LY75: variants seen among roughly 807,000 people sequenced by gnomAD.
LY75 encodes the protein lymphocyte antigen 75.
LY75 carries 185 observed loss-of-function variants against 231.7 expected under a neutral mutation model. That is an observed-to-expected ratio of 0.80 (90% CI 0.71 to 0.90). The LOEUF is 0.90. Among genes scored for constraint, LY75 ranks in the 40% least tolerant of loss-of-function variants. The pLI, the probability that LY75 is intolerant of heterozygous loss-of-function variation, is 0.00. For synonymous variants in LY75, 668 were observed against 689.0 expected (o/e 0.97, Z 0.48); for missense variants, 1,947 against 2,050.2 (o/e 0.95, Z 0.97).
At chr2:159,891,604 G>A (rs1232686279) in intron 3 of LY75, among the ~76,000 whole-genome samples, 1 of 152,070 alleles carries the variant, frequency 6.6e-6, no homozygotes, top group Non-Finnish European at 1.5e-5. Context: ...GGAAGCATAT[G>A]CATGCATTAA....
chr2:159,834,528 G>A (rs901928736), intron 26 of LY75, among the ~76,000 whole-genome samples: 4 of 152,152 alleles, frequency 2.6e-5, no homozygotes, highest in African/African-American at 9.7e-5. Context: ...TAGAGATGCT[G>A]TACAAACATA....
chr2:159,852,348 A>C lies in LY75; in HGVS notation c.2744-8T>G. The C allele has an allele frequency of 6.2e-7, 1 of 1,611,108 alleles. No homozygotes were observed. On this transcript the variant is annotated splice_polypyrimidine_tract_variant and splice_region_variant and intron_variant, in intron 20 of 34. Transcript: ENST00000263636. ...CTGTTGGTTTACCTAAGTCTGAGAA[A>C]TGAAAAGCCAGGATTACTATGGTGA...
At chr2:159,869,424 T>C (rs1333404220) in intron 13 of LY75, among the ~76,000 whole-genome samples, 2 of 152,096 alleles carry the variant, frequency 1.3e-5, no homozygotes, top group African/African-American at 2.4e-5. Context: ...ACTGGGTTAA[T>C]GTCAGTGAAA....
In LY75 at chr2:159,866,352, CA is replaced by C. The variant is rs1684858067; in HGVS notation, c.2118-1433del. On this transcript the variant is annotated intron_variant, in intron 13 of 34. Coordinates refer to ENST00000263636, the MANE Select transcript of LY75 (RefSeq NM_002349.4). The stretch of plus-strand genomic sequence containing the variant: ...TGTTCAACATTCCCTCATATTTTAA[CA>C]ACAATAAGTACTTTTTCATCTTTTC... 2.6e-5 allele frequency among the ~76,000 whole-genome samples: 4 copies of C among 152,236 alleles called. No homozygotes were observed. The South Asian group carries it at 8.3e-4, about 32-fold the overall frequency.
chr2:159,807,189 A>G (rs750587088), intron 33 of LY75, 49 bp from the exon 34 acceptor site: 1 of 1,568,566 alleles, frequency 6.4e-7, no homozygotes, highest in Non-Finnish European at 8.6e-7. Context: ...CTAAACTAGT[A>G]AGTTACAAGC....
chr2:159,904,565 C>T (rs1429023806), intron 1 of LY75, 24 bp downstream of exon 1: 1 of 1,503,330 alleles, frequency 6.7e-7, no homozygotes. Context: ...CAGCGGACTG[C>T]GGGGCTGGCG....
intron 11 of LY75, 71 bp from the exon 12 acceptor site, chr2:159,875,714 T>A (rs759564869): frequency 1.3e-6 from 2 of 1,564,546 alleles, no homozygotes; most frequent in East Asian, 4.5e-5. Flanking sequence ...GTGTTTCTAC[T>A]CTTTACTTCA....
chr2:159,850,437 T>A lies in LY75; in HGVS notation c.2914A>T (p.Thr972Ser). The change falls in exon 22 of 35, where the codon ACA becomes TCA. Residue 972 changes from threonine to serine, a missense_variant. Thr to Ser is a moderately conservative substitution (Grantham distance 58). Coordinates refer to ENST00000263636, the MANE Select transcript of LY75 (RefSeq NM_002349.4). ...CAGGTATCGCTTGCTTGAGAAAATGTGAGAGACACGGGTTTGATCTTTAGA... is the reference window on the plus strand; with the variant it reads ...CAGGTATCGCTTGCTTGAGAAAATGAGAGAGACACGGGTTTGATCTTTAGA... ...CFLKIKPVSLTFSQASDTCHS... is the reference protein window; with the variant it reads ...CFLKIKPVSLSFSQASDTCHS... 3 of 1,613,616 alleles carry A rather than the reference T, an allele frequency of 1.9e-6. No homozygotes were observed. Among genetic ancestry groups the A allele is most frequent in the Non-Finnish European group, 2.5e-6 (3 of 1,179,690 alleles).
chr2:159,888,378 G>T (rs1685656601), intron 4 of LY75, among the ~76,000 whole-genome samples: 1 of 152,146 alleles, frequency 6.6e-6, no homozygotes, highest in Non-Finnish European at 1.5e-5. Context: ...AACATATTGA[G>T]ACCCTCTTTC....
intron 21 of LY75, among the ~76,000 whole-genome samples, chr2:159,850,861 T>G (rs1457979356): frequency 6.9e-6 from 1 of 144,664 alleles, no homozygotes; most frequent in African/African-American, 2.6e-5. Context: ...TTATATTATA[T>G]CTTTATATAT....
chr2:159,827,721 T>A (rs1472898968), intron 28 of LY75, among the ~76,000 whole-genome samples: 1 of 152,160 alleles, frequency 6.6e-6, no homozygotes, highest in Non-Finnish European at 1.5e-5. Context: ...TGTCCATCAA[T>A]GATAAACTGG....
At chr2:159,882,088 T>G (rs1036810643) in intron 7 of LY75, 36 bp downstream of exon 7, 5 of 1,589,168 alleles carry the variant, frequency 3.1e-6, no homozygotes, top group Non-Finnish European at 4.3e-6. Flanking sequence ...TTAAAATGGC[T>G]TAAGCCTCTC....
chr2:159,875,365 G>A lies in LY75; in HGVS notation c.1974+79C>T, dbSNP rs75651244. 7.4e-4 allele frequency: 1,143 copies of A among 1,545,462 alleles called. 25 individuals carry two copies. The East Asian group carries it at 0.022, about 30-fold the overall frequency. ...AGGTTACATAGTACTATGGAGAAGA[G>A]CATAATTTGTACAAGGACATGAACA... On this transcript the variant is annotated intron_variant, in intron 12 of 34. Coordinates refer to ENST00000263636, the MANE Select transcript of LY75 (RefSeq NM_002349.4).
chr2:159,904,080 C>T (rs1686161009), intron 1 of LY75, among the ~76,000 whole-genome samples: 1 of 152,198 alleles, frequency 6.6e-6, no homozygotes, highest in South Asian at 2.1e-4. Context: ...TTTAACCTGA[C>T]TTCCTTCCTG....
intron 4 of LY75, among the ~76,000 whole-genome samples, chr2:159,887,172 G>A (rs572792831): frequency 2.3e-4 from 32 of 141,202 alleles, no homozygotes; most frequent in African/African-American, 7.9e-4. Flanking sequence ...GGGCCCAAAG[G>A]GTCCTGTTTA....
chr2:159,901,688 T>C (rs916786214), intron 1 of LY75, among the ~76,000 whole-genome samples: 2 of 152,210 alleles, frequency 1.3e-5, no homozygotes, highest in Non-Finnish European at 2.9e-5. Context: ...TATGTTAAAG[T>C]GGAGCTGCCA....
At chr2:159,884,115 T>C (rs1685516334) in intron 6 of LY75, among the ~76,000 whole-genome samples, 1 of 152,168 alleles carries the variant, frequency 6.6e-6, no homozygotes, top group African/African-American at 2.4e-5. Context: ...GGCGGAGTTT[T>C]CCTTCACAAG....
At chr2:159,850,222 T>C in intron 22 of LY75, 82 bp from the exon 23 acceptor site, 3 of 1,511,438 alleles carry the variant, frequency 2.0e-6, no homozygotes, top group Non-Finnish European at 2.6e-6. Context: ...ATATTTTGTT[T>C]ATCTATCAAC....
At chr2:159,822,726 C>T (rs1683333622) in intron 28 of LY75, among the ~76,000 whole-genome samples, 1 of 152,186 alleles carries the variant, frequency 6.6e-6, no homozygotes, top group Non-Finnish European at 1.5e-5. Flanking sequence ...AGAGCTCTGG[C>T]TGGCATCAGG....
Sources: gnomAD v4.1 joint callset for allele counts (sites outside exome capture counted in the v4.1 genomes callset) on GRCh38, gnomAD v4.1.1 for gene constraint, MANE v1.5 for transcripts, NCBI Gene and HGNC (gene_info 2026-07-23, HGNC 2026-07-21) for gene names.